The following VGF variants were observed in gnomAD, a reference collection of about 807,000 sequenced individuals.
VGF encodes the protein VGF nerve growth factor inducible.
Under a neutral mutation model 41.1 loss-of-function variants are expected in VGF, and 13 were observed. That is an observed-to-expected ratio of 0.32 (90% confidence interval 0.21 to 0.50). VGF has a LOEUF of 0.50. Among genes scored for constraint, VGF ranks in the 20% least tolerant of loss-of-function variants. VGF has a pLI of 0.98. For synonymous variants in VGF, 473 were observed against 418.3 expected (o/e 1.13, Z -1.60); for missense variants, 920 against 882.1 (o/e 1.04, Z -0.54).
At position 101,163,469 on chromosome 7, in the gene VGF, A is replaced by C; in HGVS notation, c.1375T>G (p.Ser459Ala). The part of the protein sequence containing the change: ...PQTIDSLIEL[S>A]TKLHLPADDV... The stretch of plus-strand genomic sequence containing the variant: ...TCCGCTGGCAGGTGGAGTTTGGTGG[A>C]CAGCTCAATGAGGCTGTCGATCGTC... Residue 459 changes from serine to alanine, a missense_variant, in exon 2 of 2, where the codon TCC becomes GCC. By Grantham distance (99) the Ser-to-Ala change is moderately conservative. Coordinates refer to ENST00000249330, the MANE Select transcript of VGF (RefSeq NM_003378.4). The surrounding 1 kb of genome is among the most constrained non-coding windows in gnomAD (Gnocchi z 5.0). The C allele has an allele frequency of 6.2e-7, 1 of 1,612,904 alleles. No homozygotes were observed. The highest frequency in any genetic ancestry group is 1.1e-5 in the South Asian group (1 of 91,044).
chr7:101,163,918 C>T lies in VGF; in HGVS notation c.926G>A (p.Arg309Gln). 1 of 1,459,604 alleles carries T rather than the reference C, an allele frequency of 6.9e-7. No homozygotes were observed. The highest frequency in any genetic ancestry group is 8.9e-7 in the Non-Finnish European group (1 of 1,117,480). The allele number at this position is 1,459,604 out of a possible 1,614,324, so 90.4% of individuals were successfully genotyped here. A position where few individuals can be genotyped will look rare whatever the true frequency, so the allele number is the denominator to read the frequency against. The change falls in exon 2 of 2, where the codon CGG (arginine) becomes CAG (glutamine). Residue 309 changes from arginine (R) to glutamine (Q), a missense_variant. Physicochemically the swap from Arg to Gln is conservative, Grantham distance 43. Coordinates refer to ENST00000249330, the MANE Select transcript of VGF (RefSeq NM_003378.4). The surrounding 1 kb of genome is among the most constrained non-coding windows in gnomAD (Gnocchi z 5.0). ...GGCCTGCCGCGTGGCCTCCGCCTGCCGCCGCCCGGCCTCCACCTGCGCCAG... is the reference window on the plus strand; with the variant it reads ...GGCCTGCCGCGTGGCCTCCGCCTGCTGCCGCCCGGCCTCCACCTGCGCCAG... Reference protein sequence around the residue: ...QGLAQVEAGRRQAEATRQAAA... With the variant: ...QGLAQVEAGRQQAEATRQAAA...
At chr7:101,165,676 C>T (rs1797206806), upstream of VGF, 3 of 984,998 alleles carry the variant, frequency 3.0e-6, no homozygotes, top group Non-Finnish European at 3.6e-6. Flanking sequence ...AGCGGGCGGC[C>T]GCCCGGAGGA....
At chr7:101,166,941 A>T (rs1017934669), upstream of VGF, among the ~76,000 whole-genome samples, 5 of 151,806 alleles carry the variant, frequency 3.3e-5, no homozygotes, top group East Asian at 7.8e-4. Context: ...AATGACAATG[A>T]CACACGCCAG....
chr7:101,164,427 G>A lies in VGF; in HGVS notation c.417C>T (p.Arg139=). The change falls in exon 2 of 2, where the codon CGC becomes CGT. Residue 139 remains arginine (R), a synonymous_variant. Transcript: ENST00000249330. The stretch of plus-strand genomic sequence containing the variant: ...CGGGCCCATTCTCCGGAGTCTGAGG[G>A]CGAGGCGGAGCCGCGGGCTCCGGGC... ...PESPEPAAPP[R]PQTPENGPEA... 3 of 1,607,354 alleles carry A rather than the reference G, an allele frequency of 1.9e-6. No individual in the cohort carries two copies. Among genetic ancestry groups the A allele is most frequent in the South Asian group, 1.1e-5 (1 of 90,998 alleles).
At chr7:101,165,726 G>A, upstream of VGF, 1 of 919,304 alleles carries the variant, frequency 1.1e-6, no homozygotes, top group South Asian at 5.0e-5. Flanking sequence ...TGCCTCTCCC[G>A]GCCTGCGCCT....
upstream of VGF, among the ~76,000 whole-genome samples, chr7:101,166,511 C>T (rs1192964840): frequency 2.7e-5 from 3 of 109,500 alleles, no homozygotes; most frequent in Non-Finnish European, 5.5e-5. Flanking sequence ...GGGGGTTGCG[C>T]AGGTGGGGGG....
chr7:101,165,709 G>A, upstream of VGF: 1 of 968,152 alleles, frequency 1.0e-6, no homozygotes, highest in Non-Finnish European at 1.2e-6. Context: ...GACGATTGGA[G>A]GGTGCCTGCC....
intron 1 of VGF, 198 bp downstream of exon 1, chr7:101,165,176 T>G: frequency 9.6e-7 from 1 of 1,045,614 alleles, no homozygotes; most frequent in Non-Finnish European, 1.1e-6. Flanking sequence ...CTCTGCTCCC[T>G]CCCCGTAGGA....
chr7:101,164,457 C>G lies in VGF; in HGVS notation c.387G>C (p.Pro129=), dbSNP rs1461109347. Residue 129 remains proline (P), a synonymous_variant, in exon 2 of 2, where the codon CCG becomes CCC. Transcript: ENST00000249330. ...GCGGAGCCGCGGGCTCCGGGCTCTC[C>G]GGCGCCGGGAGGCTGTGGGTCTGGC... is the stretch of plus-strand genomic sequence containing the variant. ...VRSQTHSLPA[P]ESPEPAAPPR... The G allele has an allele frequency of 6.2e-7, 1 of 1,603,422 alleles. No individual in the cohort carries two copies. Among genetic ancestry groups the G allele is most frequent in the Non-Finnish European group, 8.5e-7 (1 of 1,178,066 alleles).
Position 101,163,437 on chromosome 7 carries a change from C to G in VGF, c.1407G>C (p.Val469=), listed in dbSNP as rs764963552. 3.1e-6 allele frequency: 5 copies of G among 1,612,120 alleles called. No homozygotes were observed. Among genetic ancestry groups the G allele is most frequent in the Non-Finnish European group, 4.2e-6 (5 of 1,179,926 alleles). ...STKLHLPADD[V]VSIIEEVEEK... ...CCTCCACCTCCTCGATGATGCTGAC[C>G]ACGTCGTCCGCTGGCAGGTGGAGTT... is the stretch of plus-strand genomic sequence containing the variant. The change falls in exon 2 of 2, where the codon GTG becomes GTC. Residue 469 remains valine (V), a synonymous_variant. Coordinates refer to ENST00000249330, the MANE Select transcript of VGF (RefSeq NM_003378.4). This position sits in a 1 kb window ranked among gnomAD's most constrained non-coding sequence, Gnocchi z 5.0.
chr7:101,164,269 AGCGTGT>A lies in VGF; in HGVS notation c.569_574del (p.His190_Thr191del). 6.2e-7 allele frequency: 1 copy of A among 1,603,904 alleles called. No homozygotes were observed. The highest frequency in any genetic ancestry group is 1.1e-5 in the South Asian group (1 of 91,048). ...CGGGCTCTCCAGATTCACTCGGGTCAGCGTGTGCGTGCGGGTTTCCGTCTCTGCTGC... is the reference window on the plus strand; with the variant it reads ...CGGGCTCTCCAGATTCACTCGGGTCAGCGTGCGGGTTTCCGTCTCTGCTGC... On this transcript the variant is annotated inframe_deletion, in exon 2 of 2. Coordinates refer to ENST00000249330, the MANE Select transcript of VGF (RefSeq NM_003378.4).
In VGF at chr7:101,162,707, C is replaced by T. The variant is rs1584208940; in HGVS notation, c.*289G>A. On this transcript the variant is annotated 3_prime_UTR_variant, in exon 2 of 2. Transcript: ENST00000249330. The surrounding 1 kb of genome is among the most constrained non-coding windows in gnomAD (Gnocchi z 4.2). ...TGCTTTTTCCGGTTTCCGACGGGGA[C>T]GTCCCCAGAGGGACTTGATGGGGCC... 5.5e-6 allele frequency: 3 copies of T among 544,130 alleles called. No individual in the cohort carries two copies. The East Asian group carries it at 1.4e-4, about 25-fold the overall frequency. The allele number at this position is 544,130 out of a possible 1,614,324, so 33.7% of individuals were successfully genotyped here.
rs1188461841 is a variant in VGF at position 101,164,784 on chromosome 7, T to C, written c.60A>G (p.Leu20=). The C allele has an allele frequency of 6.2e-7, 1 of 1,602,490 alleles. No individual in the cohort carries two copies. Residue 20 remains leucine, a synonymous_variant, in exon 2 of 2, where the codon TTA becomes TTG. Transcript: ENST00000249330. ...CAGGGCGACCAGGGGGTGCTGCCCC[T>C]AACCCGTTGATCAGCAGAAGGCAGA... ...ALFCLLLING[L]GAAPPGRPEA...
At chr7:101,168,043 A>T (rs1203345879), upstream of VGF, among the ~76,000 whole-genome samples, 5 of 133,274 alleles carry the variant, frequency 3.8e-5, no homozygotes, top group Non-Finnish European at 7.7e-5. Flanking sequence ...TCTCTTCTGC[A>T]TGCCTGTATG....
Position 101,162,765 on chromosome 7 carries a change from C to A in VGF, c.*231G>T. On this transcript the variant is annotated 3_prime_UTR_variant, in exon 2 of 2. Coordinates refer to ENST00000249330, the MANE Select transcript of VGF (RefSeq NM_003378.4). The surrounding 1 kb of genome is among the most constrained non-coding windows in gnomAD (Gnocchi z 4.2). ...CGCGTGGCAAGGGAACTCGCACAAA[C>A]CACCCGCCCTCCTGGGCTGGCCCCC... 2 of 632,308 alleles carry A rather than the reference C, an allele frequency of 3.2e-6. No individual in the cohort carries two copies. Among genetic ancestry groups the A allele is most frequent in the Non-Finnish European group, 5.9e-6 (2 of 340,574 alleles). The allele number at this position is 632,308 out of a possible 1,614,324, so 39.2% of individuals were successfully genotyped here.
chr7:101,165,174 C>T, intron 1 of VGF, 200 bp downstream of exon 1: 1 of 1,054,784 alleles, frequency 9.5e-7, no homozygotes, highest in Non-Finnish European at 1.1e-6. Flanking sequence ...ATCTCTGCTC[C>T]CTCCCCGTAG....
chr7:101,165,147 A>G (rs1584213785), intron 1 of VGF: 1 of 1,111,728 alleles, frequency 9.0e-7, no homozygotes, highest in East Asian at 4.9e-5. Context: ...AGCAGCAGCA[A>G]TATGGGGGAA....
rs777985669 is a variant in VGF at position 101,163,373 on chromosome 7, C to G, written c.1471G>C (p.Val491Leu). The change falls in exon 2 of 2, where the codon GTG becomes CTG. Residue 491 changes from valine (V) to leucine (L), a missense_variant. Val to Leu is a conservative substitution (Grantham distance 32). Transcript: ENST00000249330. This position sits in a 1 kb window ranked among gnomAD's most constrained non-coding sequence, Gnocchi z 5.0. ...KRKKNAPPEPVPPPRAAPAPT... is the reference protein window; with the variant it reads ...KRKKNAPPEPLPPPRAAPAPT... ...GCGGGGGCGGCACGGGGGGGCGGCA[C>G]GGGCTCGGGAGGGGCGTTCTTCTTC... The G allele has an allele frequency of 2.5e-5, 39 of 1,562,368 alleles. No individual in the cohort carries two copies. The highest frequency in any genetic ancestry group is 3.1e-5 in the Non-Finnish European group (36 of 1,160,304).
At chr7:101,165,155 G>A (rs1330712392) in intron 1 of VGF, 9 of 1,086,344 alleles carry the variant, frequency 8.3e-6, no homozygotes, top group Non-Finnish European at 1.0e-5. Flanking sequence ...CAATATGGGG[G>A]AAAAAAAAAT....
Sources: gnomAD v4.1 joint callset for allele counts (sites outside exome capture counted in the v4.1 genomes callset) on GRCh38, gnomAD v4.1.1 for gene constraint, Gnocchi (gnomAD v3.1) non-coding constraint, MANE v1.5 for transcripts, NCBI Gene and HGNC (gene_info 2026-07-23, HGNC 2026-07-21) for gene names.